HSD17B12: variants seen among roughly 807,000 people sequenced by gnomAD.
HSD17B12 encodes very-long-chain 3-oxoacyl-CoA reductase.
In HSD17B12, 32 loss-of-function variants were observed where a neutral mutation model predicts 39.3. That is an observed-to-expected ratio of 0.81 (90% CI 0.61 to 1.09). HSD17B12 has a LOEUF of 1.09. Ranked by LOEUF, HSD17B12 falls within the 50% of genes least tolerant of loss-of-function variation. HSD17B12 has a pLI of 0.00. For synonymous variants in HSD17B12, 150 were observed against 146.7 expected (o/e 1.02, Z -0.16); for missense variants, 342 against 382.9 (o/e 0.89, Z 0.89).
At chr11:43,595,108 T>A in the HSD17B12 span, among the ~76,000 whole-genome samples, 1 of 152,224 alleles carries the variant, frequency 6.6e-6, no homozygotes, top group South Asian at 2.1e-4. Flanking sequence ...ACCCTGACAC[T>A]AGCAGCACCG....
At chr11:43,681,030 C>T in intron 1 of HSD17B12, 43 bp downstream of exon 1, 6 of 1,535,834 alleles carry the variant, frequency 3.9e-6, no homozygotes, top group Non-Finnish European at 5.3e-6. Context: ...CGCGGCGGCC[C>T]GGACCAGGCC....
chr11:43,797,061 A>G (rs780598423), intron 3 of HSD17B12, among the ~76,000 whole-genome samples: 1 of 152,154 alleles, frequency 6.6e-6, no homozygotes, highest in Non-Finnish European at 1.5e-5. Context: ...TTCTAGGTCA[A>G]TTCTTCTTTT....
chr11:43,685,911 A>G (rs1321009134), intron 1 of HSD17B12, among the ~76,000 whole-genome samples: 1 of 152,252 alleles, frequency 6.6e-6, no homozygotes, highest in Non-Finnish European at 1.5e-5. Flanking sequence ...TTTTTCTGGA[A>G]GGATTGCAGA....
Position 43,798,341 on chromosome 11 carries a change from C to A in HSD17B12, c.305C>A (p.Thr102Lys), listed in dbSNP as rs746497058. 2 of 1,610,492 alleles carry A rather than the reference C, an allele frequency of 1.2e-6. No homozygotes were observed. Among genetic ancestry groups the A allele is most frequent in the South Asian group, 1.1e-5 (1 of 90,798 alleles). The part of the protein sequence containing the change: ...SEIKEKFKVE[T>K]RTIAVDFASE... ...CTAGAAGAAAAATTCAAAGTGGAGA[C>A]AAGAACCATTGCTGTTGACTTTGCA... The change falls in exon 4 of 11, where the codon ACA becomes AAA. Residue 102 changes from threonine (T) to lysine (K), a missense_variant. By Grantham distance (78) the Thr-to-Lys change is moderately conservative. Coordinates refer to ENST00000278353, the MANE Select transcript of HSD17B12 (RefSeq NM_016142.3).
chr11:43,764,588 A>G (rs1217574439), intron 3 of HSD17B12, among the ~76,000 whole-genome samples: 3 of 151,746 alleles, frequency 2.0e-5, no homozygotes, highest in African/African-American at 7.3e-5. Flanking sequence ...GTCCTTCACA[A>G]TTTTTCTATT....
intron 1 of HSD17B12, among the ~76,000 whole-genome samples, chr11:43,701,178 CA>C: frequency 6.6e-6 from 1 of 152,106 alleles, no homozygotes; most frequent in South Asian, 2.1e-4. Flanking sequence ...ATTTTTTGAT[CA>C]GATTATTAGA....
chr11:43,733,048 T>G (rs1166945138), intron 1 of HSD17B12, among the ~76,000 whole-genome samples: 2 of 152,226 alleles, frequency 1.3e-5, no homozygotes, highest in Non-Finnish European at 2.9e-5. Context: ...GCATGTTGTA[T>G]TTGGGAAATA....
chr11:43,589,117 A>T, the HSD17B12 span, among the ~76,000 whole-genome samples: 1 of 152,174 alleles, frequency 6.6e-6, no homozygotes, highest in Admixed American at 6.5e-5. Context: ...AATAAGGAAA[A>T]ATAGAAGGGC....
intron 3 of HSD17B12, among the ~76,000 whole-genome samples, chr11:43,777,843 G>A (rs977320933): frequency 3.9e-5 from 6 of 152,088 alleles, no homozygotes; most frequent in African/African-American, 1.4e-4. Context: ...ACTGTGTAGA[G>A]GGAAATTTAT....
At chr11:43,590,552 C>A in the HSD17B12 span, among the ~76,000 whole-genome samples, 1 of 81,684 alleles carries the variant, frequency 1.2e-5, no homozygotes, top group Non-Finnish European at 2.6e-5. Context: ...CTCTGTCACC[C>A]AAGCCGGAGA....
intron 1 of HSD17B12, among the ~76,000 whole-genome samples, chr11:43,710,161 C>G (rs1950051590): frequency 1.3e-5 from 2 of 152,162 alleles, no homozygotes; most frequent in Non-Finnish European, 2.9e-5. Flanking sequence ...TTTTTCTTAA[C>G]TCTTATAAAA....
chr11:43,703,117 C>T (rs911989089), intron 1 of HSD17B12, among the ~76,000 whole-genome samples: 4 of 152,166 alleles, frequency 2.6e-5, no homozygotes, highest in African/African-American at 9.7e-5. Context: ...AGTATTCCCT[C>T]CTCCTCTAGT....
the HSD17B12 span, among the ~76,000 whole-genome samples, chr11:43,576,035 T>C: frequency 6.4e-4 from 98 of 152,266 alleles, no homozygotes; most frequent in African/African-American, 2.3e-3. Context: ...GAAGCTCCTC[T>C]GGGGAAGGGG....
At chr11:43,760,424 T>TA (rs1305252655) in intron 3 of HSD17B12, among the ~76,000 whole-genome samples, 2 of 152,152 alleles carry the variant, frequency 1.3e-5, no homozygotes, top group Non-Finnish European at 2.9e-5. Flanking sequence ...TTCTTGGATT[T>TA]AAAAAAATCA....
upstream of HSD17B12, among the ~76,000 whole-genome samples, chr11:43,675,983 G>A (rs1428692392): frequency 1.3e-5 from 2 of 152,032 alleles, no homozygotes; most frequent in Non-Finnish European, 2.9e-5. Flanking sequence ...ATAATGGCGG[G>A]CACCTGTAAC....
At chr11:43,774,801 T>C (rs1402830290) in intron 3 of HSD17B12, among the ~76,000 whole-genome samples, 1 of 152,116 alleles carries the variant, frequency 6.6e-6, no homozygotes, top group African/African-American at 2.4e-5. Flanking sequence ...TCCCCAAGAT[T>C]CTCACCTTCA....
At chr11:43,834,988 G>GT (rs1951355024) in intron 7 of HSD17B12, among the ~76,000 whole-genome samples, 1 of 152,118 alleles carries the variant, frequency 6.6e-6, no homozygotes, top group South Asian at 2.1e-4. Flanking sequence ...AATTAAGAAT[G>GT]TTGCATTACA....
At chr11:43,728,961 A>T (rs1950244932) in intron 1 of HSD17B12, among the ~76,000 whole-genome samples, 1 of 152,186 alleles carries the variant, frequency 6.6e-6, no homozygotes, top group Non-Finnish European at 1.5e-5. Context: ...TATGCACCAT[A>T]ATTATATACT....
chr11:43,617,008 A>G, the HSD17B12 span, among the ~76,000 whole-genome samples: 23 of 151,530 alleles, frequency 1.5e-4, no homozygotes, highest in East Asian at 4.1e-3. Context: ...AGAAAAAAAA[A>G]TCCGGGGTAA....
Sources: gnomAD v4.1 joint callset for allele counts (sites outside exome capture counted in the v4.1 genomes callset) on GRCh38, gnomAD v4.1.1 for gene constraint, MANE v1.5 for transcripts, NCBI Gene and HGNC (gene_info 2026-07-23, HGNC 2026-07-21) for gene names.